The following THRB variants were observed in gnomAD, a reference collection of about 807,000 sequenced individuals.
THRB encodes the protein nuclear receptor subfamily 1 group A member 2.
In THRB, 12 loss-of-function variants were observed where a neutral mutation model predicts 47.8. The ratio of observed to expected loss-of-function variants is 0.25; its 90% CI spans 0.16 to 0.41. The LOEUF (loss-of-function observed/expected upper bound fraction) is 0.41, where lower values mean the gene tolerates loss of function less well. Ranked by LOEUF, THRB falls within the 10% of genes least tolerant of loss-of-function variation. The pLI is 1.00. For missense variants in THRB, 348 were observed against 589.2 expected (o/e 0.59, Z 4.24); for synonymous variants, 218 against 212.2 (o/e 1.03, Z -0.24).
At chr3:24,435,821 C>T (rs2070886653) in intron 1 of THRB, among the ~76,000 whole-genome samples, 1 of 152,184 alleles carries the variant, frequency 6.6e-6, no homozygotes, top group African/African-American at 2.4e-5. Context: ...GCAACGTTGG[C>T]CTCCCCCTCC....
At chr3:24,199,321 CTT>C (rs1011307082) in intron 4 of THRB, among the ~76,000 whole-genome samples, 4 of 152,174 alleles carry the variant, frequency 2.6e-5, no homozygotes, top group Non-Finnish European at 4.4e-5. Flanking sequence ...AAATTAGCCT[CTT>C]TGTTCAAGTA....
In THRB at chr3:24,479,603, C is replaced by G. The variant is rs572246444; in HGVS notation, c.-261+15049G>C. ...GGCAGTGGGAGATCTGGCTGTGACT[C>G]CTGGTTCAAGGGATCCCTCTTTAGT... On this transcript the variant is annotated intron_variant, in intron 1 of 10. Coordinates refer to ENST00000646209, the MANE Select transcript of THRB (RefSeq NM_001354712.2). 5.3e-5 allele frequency among the ~76,000 whole-genome samples: 8 copies of G among 152,240 alleles called. No homozygotes were observed. The South Asian group carries it at 1.5e-3, about 28-fold the overall frequency.
chr3:24,228,042 T>C (rs1371510846), intron 4 of THRB, among the ~76,000 whole-genome samples: 1 of 152,212 alleles, frequency 6.6e-6, no homozygotes, highest in Non-Finnish European at 1.5e-5. Flanking sequence ...CCAACTTCTC[T>C]TGCAAATTTG....
chr3:24,179,017 TA>T lies in THRB; in HGVS notation c.283+11056del, dbSNP rs537632419. 1.5e-3 allele frequency among the ~76,000 whole-genome samples: 234 copies of T among 152,268 alleles called. 1 individual carries two copies. Among genetic ancestry groups the T allele is most frequent in the Non-Finnish European group, 2.1e-3 (144 of 68,008 alleles). ...CAGGTGGTGGGAGGAAGAAGCAGAC[TA>T]AAGAGATAAAAAATAAATAAATAAA... On this transcript the variant is annotated intron_variant, in intron 5 of 10. Coordinates refer to ENST00000646209, the MANE Select transcript of THRB (RefSeq NM_001354712.2).
At chr3:24,269,399 GCGCGCACACACA>G (rs1254470844) in intron 3 of THRB, among the ~76,000 whole-genome samples, 2,389 of 89,876 alleles carry the variant, frequency 0.027, 46 homozygotes, top group Non-Finnish European at 0.032. Context: ...GCGCGCGCGC[GCGCGCACACACA>G]CACACACACA....
At chr3:24,484,749 C>A (rs1221549432) in intron 1 of THRB, among the ~76,000 whole-genome samples, 1 of 152,152 alleles carries the variant, frequency 6.6e-6, no homozygotes, top group Non-Finnish European at 1.5e-5. Flanking sequence ...AGAGTTTCAA[C>A]AGAGACTGTG....
chr3:24,297,733 A>ATGC (rs1310931417), intron 2 of THRB, among the ~76,000 whole-genome samples: 3 of 152,174 alleles, frequency 2.0e-5, no homozygotes, highest in Admixed American at 2.0e-4. Flanking sequence ...TCCACACTTG[A>ATGC]TGCTGCACAT....
At chr3:24,127,248 C>T (rs990869664) in intron 10 of THRB, among the ~76,000 whole-genome samples, 6 of 152,158 alleles carry the variant, frequency 3.9e-5, no homozygotes, top group African/African-American at 1.4e-4. Flanking sequence ...CCACCAAAGG[C>T]GGATCACTTC....
intron 1 of THRB, among the ~76,000 whole-genome samples, chr3:24,467,075 T>C (rs1446743094): frequency 3.9e-5 from 6 of 152,238 alleles, no homozygotes; most frequent in African/African-American, 1.4e-4. Context: ...TTATGGAATA[T>C]TCTAAATCCT....
At chr3:24,468,028 T>C (rs2074287097) in intron 1 of THRB, among the ~76,000 whole-genome samples, 1 of 152,238 alleles carries the variant, frequency 6.6e-6, no homozygotes, top group African/African-American at 2.4e-5. Flanking sequence ...CTTAGCTACA[T>C]CTTCTGGATA....
At chr3:24,419,876 C>T (rs1020133548) in intron 1 of THRB, among the ~76,000 whole-genome samples, 7 of 151,656 alleles carry the variant, frequency 4.6e-5, no homozygotes, top group Admixed American at 4.6e-4. Context: ...CATTATAATA[C>T]CCCCAGGAAG....
At chr3:24,435,309 C>A (rs910283608) in intron 1 of THRB, among the ~76,000 whole-genome samples, 1 of 152,054 alleles carries the variant, frequency 6.6e-6, no homozygotes, top group African/African-American at 2.4e-5. Context: ...ACCACTTGGG[C>A]AAAGTAAGGC....
chr3:24,473,689 C>G (rs1336224306), intron 1 of THRB, among the ~76,000 whole-genome samples: 1 of 152,144 alleles, frequency 6.6e-6, no homozygotes, highest in African/African-American at 2.4e-5. Flanking sequence ...GGAACCAACC[C>G]AAATGCCCAT....
At chr3:24,475,385 A>G (rs1330424356) in intron 1 of THRB, among the ~76,000 whole-genome samples, 1 of 152,192 alleles carries the variant, frequency 6.6e-6, no homozygotes, top group Non-Finnish European at 1.5e-5. Flanking sequence ...ACCATTTGCA[A>G]TATCTTCAAT....
chr3:24,177,401 G>T (rs1263392267), intron 5 of THRB, among the ~76,000 whole-genome samples: 1 of 152,136 alleles, frequency 6.6e-6, no homozygotes, highest in Non-Finnish European at 1.5e-5. Flanking sequence ...AAAAAGGGGT[G>T]TGCATTTAAC....
chr3:24,308,699 TAC>T (rs1216153983), intron 2 of THRB, among the ~76,000 whole-genome samples: 1 of 152,210 alleles, frequency 6.6e-6, no homozygotes, highest in African/African-American at 2.4e-5. Context: ...CTTCTTTAAA[TAC>T]ACCATAGTTA....
intron 1 of THRB, among the ~76,000 whole-genome samples, chr3:24,439,830 T>C (rs1310666080): frequency 6.6e-6 from 1 of 152,242 alleles, no homozygotes; most frequent in East Asian, 1.9e-4. Context: ...TGTTCCACCA[T>C]GTAGGACATG....
At chr3:24,136,909 T>C (rs1018581316) in intron 8 of THRB, among the ~76,000 whole-genome samples, 1 of 152,240 alleles carries the variant, frequency 6.6e-6, no homozygotes, top group African/African-American at 2.4e-5. Context: ...CTCCAGACTT[T>C]TGCTTTCTCC....
At chr3:24,391,173 A>C (rs554922065) in intron 1 of THRB, among the ~76,000 whole-genome samples, 1 of 152,258 alleles carries the variant, frequency 6.6e-6, no homozygotes, top group South Asian at 2.1e-4. Flanking sequence ...TGGCCACAAG[A>C]AGGTAAGACC....
Sources: allele counts gnomAD v4.1 joint callset (sites outside exome capture counted in the v4.1 genomes callset), GRCh38; gene constraint gnomAD v4.1.1; transcripts MANE v1.5; gene names NCBI Gene and HGNC (gene_info 2026-07-23, HGNC 2026-07-21).